The following PCDHGA10 variants were observed in gnomAD, a reference collection of about 807,000 sequenced individuals.
PCDHGA10 encodes protocadherin gamma-A10.
A neutral mutation model predicts 59.5 loss-of-function variants in PCDHGA10; 42 were observed. The observed-to-expected ratio is 0.71, with a 90% CI of 0.55 to 0.91. The LOEUF is 0.91. Ranked by LOEUF, PCDHGA10 falls within the 40% of genes least tolerant of loss-of-function variation. The pLI is 0.00. For synonymous variants in PCDHGA10, 511 were observed against 517.2 expected (o/e 0.99, Z 0.16); for missense variants, 1,111 against 1,198.2 (o/e 0.93, Z 1.07).
At chr5:141,436,752 A>G (rs2097844842) in intron 1 of PCDHGA10, among the ~76,000 whole-genome samples, 2 of 152,194 alleles carry the variant, frequency 1.3e-5, no homozygotes, top group South Asian at 4.1e-4. Context: ...GCTTCTCCAT[A>G]TGGTATAATG....
intron 1 of PCDHGA10, among the ~76,000 whole-genome samples, chr5:141,435,157 A>G (rs1387976305): frequency 6.6e-6 from 1 of 152,176 alleles, no homozygotes; most frequent in Non-Finnish European, 1.5e-5. Context: ...AAACTTTTGT[A>G]AATAGAGTGG....
In PCDHGA10 at chr5:141,414,703, T is replaced by C; in HGVS notation, c.1528T>C (p.Ser510Pro). ...GGGGGTACCTCTGTCCTCATACATA[T>C]CCATCAACTCAGACACTGGCGTCCT... ...IQGVPLSSYI[S>P]INSDTGVLYA... The change falls in exon 1 of 4, where the codon TCC (serine) becomes CCC (proline). Residue 510 changes from serine (S) to proline (P), a missense_variant. Ser to Pro is a moderately conservative substitution (Grantham distance 74, BLOSUM62 -1). Coordinates refer to ENST00000398610, the MANE Select transcript of PCDHGA10 (RefSeq NM_018913.3). The C allele has an allele frequency of 6.2e-7, 1 of 1,613,994 alleles. No individual in the cohort carries two copies.
rs1399250599 is a variant in PCDHGA10, at chr5:141,476,902, C to A, written c.2437-17905C>A. On this transcript the variant is annotated intron_variant, in intron 1 of 3. Coordinates refer to ENST00000398610, the MANE Select transcript of PCDHGA10 (RefSeq NM_018913.3). The surrounding 1 kb of genome is among the most constrained non-coding windows in gnomAD (Gnocchi z 7.6). ...TGGAGGATGCACCCTCCGGCACGCG[C>A]GTGGTACAAGTCCTTGCAACGGATC... 5 of 1,613,880 alleles carry A rather than the reference C, an allele frequency of 3.1e-6. No individual in the cohort carries two copies. Among genetic ancestry groups the A allele is most frequent in the South Asian group, 1.1e-5 (1 of 91,090 alleles).
chr5:141,498,509 C>T (rs2099784058), intron 2 of PCDHGA10, among the ~76,000 whole-genome samples: 1 of 151,740 alleles, frequency 6.6e-6, no homozygotes, highest in East Asian at 1.9e-4. Flanking sequence ...TCCCTCCCCA[C>T]CATCTTGCCC....
chr5:141,465,611 C>T (rs1393170181), intron 1 of PCDHGA10, among the ~76,000 whole-genome samples: 1 of 152,178 alleles, frequency 6.6e-6, no homozygotes, highest in African/African-American at 2.4e-5. Context: ...CTCTTTGGCC[C>T]TCCAGGAAGT....
At chr5:141,430,877 G>T in intron 1 of PCDHGA10, 1 of 1,600,796 alleles carries the variant, frequency 6.2e-7, no homozygotes. Flanking sequence ...GGAAGAGCTG[G>T]AGAAAGGCTC....
At position 141,485,892 on chromosome 5, in the gene PCDHGA10, C is replaced by T; in HGVS notation, c.2437-8915C>T. On this transcript the variant is annotated intron_variant, in intron 1 of 3. Coordinates refer to ENST00000398610, the MANE Select transcript of PCDHGA10 (RefSeq NM_018913.3). The surrounding 1 kb of genome is among the most constrained non-coding windows in gnomAD (Gnocchi z 5.7). ...GTGCTGGACGTAAACGACAACGCCC[C>T]AGCCTTCCAGCAATCCAGCTACAGG... is the stretch of plus-strand genomic sequence containing the variant. 6.2e-7 allele frequency: 1 copy of T among 1,614,194 alleles called. No individual in the cohort carries two copies.
At chr5:141,427,944 A>C (rs780874108) in intron 1 of PCDHGA10, 63 of 1,586,294 alleles carry the variant, frequency 4.0e-5, no homozygotes, top group Non-Finnish European at 8.6e-6. Context: ...GGGCGACCTC[A>C]ATGACAATGT....
intron 2 of PCDHGA10, among the ~76,000 whole-genome samples, chr5:141,503,985 T>C (rs1277024188): frequency 6.6e-6 from 1 of 152,150 alleles, no homozygotes; most frequent in African/African-American, 2.4e-5. Flanking sequence ...ACCCTTCTTC[T>C]TACCTTACAG....
At chr5:141,435,004 A>G (rs1481428383) in intron 1 of PCDHGA10, among the ~76,000 whole-genome samples, 1 of 152,096 alleles carries the variant, frequency 6.6e-6, no homozygotes, top group Non-Finnish European at 1.5e-5. Flanking sequence ...AGCTGAATTT[A>G]TCAATGATAA....
At position 141,477,053 on chromosome 5, in the gene PCDHGA10, G is replaced by C; in HGVS notation, c.2437-17754G>C. ...GACAATCAAGGGTCGGCTGGACTTC[G>C]AGGACACCAAACTCCATGAGATTTA... On this transcript the variant is annotated intron_variant, in intron 1 of 3. Coordinates refer to ENST00000398610, the MANE Select transcript of PCDHGA10 (RefSeq NM_018913.3). This position sits in a 1 kb window ranked among gnomAD's most constrained non-coding sequence, Gnocchi z 4.9. The C allele has an allele frequency of 6.2e-7, 1 of 1,614,230 alleles. No homozygotes were observed. Among genetic ancestry groups the C allele is most frequent in the Non-Finnish European group, 8.5e-7 (1 of 1,180,032 alleles).
At position 141,487,329 on chromosome 5, in the gene PCDHGA10, C is replaced by T; in HGVS notation, c.2437-7478C>T. On this transcript the variant is annotated intron_variant, in intron 1 of 3. Coordinates refer to ENST00000398610, the MANE Select transcript of PCDHGA10 (RefSeq NM_018913.3). This position sits in a 1 kb window ranked among gnomAD's most constrained non-coding sequence, Gnocchi z 5.0. Reference sequence around the variant, plus strand: ...CTACTCTCTAAGTGTCTTCGTGGGGCAGCCTGTGGAGTCACATGCTTTCCT... The same window carrying T: ...CTACTCTCTAAGTGTCTTCGTGGGGTAGCCTGTGGAGTCACATGCTTTCCT... 1 of 1,614,170 alleles carries T rather than the reference C, an allele frequency of 6.2e-7. No homozygotes were observed. The highest frequency in any genetic ancestry group is 1.1e-5 in the South Asian group (1 of 91,070).
intron 1 of PCDHGA10, chr5:141,421,488 G>C: frequency 3.1e-6 from 5 of 1,614,100 alleles, no homozygotes; most frequent in Non-Finnish European, 4.2e-6. Flanking sequence ...GCTTGATCAC[G>C]GCAGGCAGGA....
chr5:141,472,045 TA>T (rs1227282207), intron 1 of PCDHGA10, among the ~76,000 whole-genome samples: 3 of 152,170 alleles, frequency 2.0e-5, no homozygotes, highest in Non-Finnish European at 4.4e-5. Flanking sequence ...GAAAAGATTT[TA>T]AAAATGATTG....
chr5:141,433,837 C>CAAAAAA (rs56191208), intron 1 of PCDHGA10, among the ~76,000 whole-genome samples: 2 of 111,692 alleles, frequency 1.8e-5, no homozygotes, highest in Non-Finnish European at 3.9e-5. Context: ...AACTCTATCT[C>CAAAAAA]AAAAAAAAAA....
At chr5:141,425,111 A>C (rs2096857405) in intron 1 of PCDHGA10, among the ~76,000 whole-genome samples, 1 of 152,144 alleles carries the variant, frequency 6.6e-6, no homozygotes, top group Non-Finnish European at 1.5e-5. Flanking sequence ...AGATGCCTAC[A>C]TTTTTCTTGA....
intron 1 of PCDHGA10, among the ~76,000 whole-genome samples, chr5:141,455,250 A>C (rs1016027355): frequency 2.0e-5 from 3 of 152,172 alleles, no homozygotes; most frequent in Non-Finnish European, 2.9e-5. Flanking sequence ...GTCATAGTAC[A>C]ATCGCATTTC....
intron 1 of PCDHGA10, chr5:141,418,673 G>A (rs2096279740): frequency 5.0e-6 from 8 of 1,614,026 alleles, no homozygotes; most frequent in Non-Finnish European, 6.8e-6. Context: ...CCAGGACGAG[G>A]GCATCAACTC....
chr5:141,426,772 C>T, intron 1 of PCDHGA10: 1 of 456,686 alleles, frequency 2.2e-6, no homozygotes, highest in South Asian at 1.5e-5. Context: ...GATGTAGGGC[C>T]TCACTCTCTC....
Sources: gnomAD v4.1 joint callset for allele counts (sites outside exome capture counted in the v4.1 genomes callset) on GRCh38, gnomAD v4.1.1 for gene constraint, Gnocchi (gnomAD v3.1) non-coding constraint, MANE v1.5 for transcripts, NCBI Gene and HGNC (gene_info 2026-07-23, HGNC 2026-07-21) for gene names.